Variants in ANKRD30A observed in about 807,000 individuals in gnomAD.
ANKRD30A encodes the protein ankyrin repeat domain 30A.
A neutral mutation model predicts 166.3 loss-of-function variants in ANKRD30A; 170 were observed. That is an observed-to-expected ratio of 1.02 (90% confidence interval 0.90 to 1.16). ANKRD30A has a LOEUF of 1.16. ANKRD30A is among the 50% of genes most tolerant of loss of function. The pLI is 0.00. For missense variants in ANKRD30A, 1,630 were observed against 1,518.0 expected, an observed-to-expected ratio of 1.07 and a Z score of -1.23; for synonymous variants, 564 against 508.9, an observed-to-expected ratio of 1.11 and a Z score of -1.46.
rs1221106273 is a variant in ANKRD30A at position 37,192,646 on chromosome 10, A to G, written c.2513-418A>G. Among the ~76,000 whole-genome samples the G allele has an allele frequency of 1.3e-5, 2 of 152,004 alleles. 1 individual carries two copies. Among genetic ancestry groups the G allele is most frequent in the Non-Finnish European group, 2.9e-5 (2 of 68,018 alleles). ...GTATATATTGACATCAGTGATTCTGACGTGTTTCCTTAACAATATGCCATA... is the reference window on the plus strand; with the variant it reads ...GTATATATTGACATCAGTGATTCTGGCGTGTTTCCTTAACAATATGCCATA... On this transcript the variant is annotated intron_variant, in intron 25 of 35. Coordinates refer to ENST00000361713, the MANE Select transcript of ANKRD30A (RefSeq NM_052997.3).
chr10:37,197,311 T>A lies in ANKRD30A; in HGVS notation c.2643+2T>A. 6.2e-7 allele frequency: 1 copy of A among 1,613,388 alleles called. No homozygotes were observed. The highest frequency in any genetic ancestry group is 2.2e-5 in the East Asian group (1 of 44,854). ...CCCGAGAAGCCATCTGCCTTCGAGGTATTTAGTTTTATGATTTCATTTTGA... is the reference window on the plus strand; with the variant it reads ...CCCGAGAAGCCATCTGCCTTCGAGGAATTTAGTTTTATGATTTCATTTTGA... On this transcript the variant is annotated splice_donor_variant, in intron 28 of 35. Transcript: ENST00000361713. LOFTEE classifies it high-confidence loss of function.
At chr10:37,193,935 C>A (rs1840824996) in intron 27 of ANKRD30A, among the ~76,000 whole-genome samples, 1 of 152,138 alleles carries the variant, frequency 6.6e-6, no homozygotes, top group Non-Finnish European at 1.5e-5. Flanking sequence ...TGGCACGTGC[C>A]TGTAATGATA....
Position 37,141,864 on chromosome 10 carries a change from A to G in ANKRD30A, c.967A>G (p.Lys323Glu). 3 of 1,606,078 alleles carry G rather than the reference A, an allele frequency of 1.9e-6. No homozygotes were observed. Among genetic ancestry groups the G allele is most frequent in the Non-Finnish European group, 1.7e-6 (2 of 1,177,362 alleles). ...TPDTAESLVE[K>E]TPDEAASLVE... Reference sequence around the variant, plus strand: ...TGACACGGCTGAAAGCTTGGTGGAAAAAACACCTGATGAGGCTGCATCCTT... The same window carrying G: ...TGACACGGCTGAAAGCTTGGTGGAAGAAACACCTGATGAGGCTGCATCCTT... The change falls in exon 7 of 36, where the codon AAA (lysine) becomes GAA (glutamate). Residue 323 changes from lysine to glutamate, a missense_variant. Physicochemically the swap from Lys to Glu is moderately conservative, Grantham distance 56 (BLOSUM62 1). Around this residue, in one of 4 missense-constraint regions of ANKRD30A, gnomAD observed 904 missense variants for 818.5 expected, o/e 1.10. Coordinates refer to ENST00000361713, the MANE Select transcript of ANKRD30A (RefSeq NM_052997.3).
At chr10:37,241,383 A>C in the ANKRD30A span, 2 of 151,218 alleles carry the variant, frequency 1.3e-5, no homozygotes, top group East Asian at 1.9e-4. Context: ...AAAACATATA[A>C]AATTTTTTCT....
intron 8 of ANKRD30A, among the ~76,000 whole-genome samples, chr10:37,146,225 A>G (rs1485221851): frequency 1.3e-5 from 2 of 152,256 alleles, no homozygotes; most frequent in East Asian, 3.8e-4. Flanking sequence ...AGTTTTCCTT[A>G]CTACTTTTTC....
intron 13 of ANKRD30A, among the ~76,000 whole-genome samples, chr10:37,154,225 A>G (rs1212780917): frequency 6.6e-6 from 1 of 152,218 alleles, no homozygotes; most frequent in Non-Finnish European, 1.5e-5. Flanking sequence ...GAATAAGCAT[A>G]TCTGCATGGC....
intron 6 of ANKRD30A, among the ~76,000 whole-genome samples, chr10:37,138,283 C>G (rs971783203): frequency 9.2e-5 from 14 of 152,136 alleles, no homozygotes; most frequent in African/African-American, 3.4e-4. Context: ...GGGGAAAAAA[C>G]AGAGCAGAAA....
rs201760233 is a variant in ANKRD30A, at chr10:37,147,466, G to A, written c.1543+9G>A. On this transcript the variant is annotated intron_variant, in intron 9 of 35. Coordinates refer to ENST00000361713, the MANE Select transcript of ANKRD30A (RefSeq NM_052997.3). Reference sequence around the variant, plus strand: ...AAATAGAGAAGTAGAAGGTAAGAACGATTTTTTATTTGAAAAGTCTTTTAA... The same window carrying A: ...AAATAGAGAAGTAGAAGGTAAGAACAATTTTTTATTTGAAAAGTCTTTTAA... The A allele has an allele frequency of 4.8e-5, 74 of 1,536,194 alleles. No homozygotes were observed. The highest frequency in any genetic ancestry group is 3.5e-4 in the Middle Eastern group (2 of 5,782).
intron 31 of ANKRD30A, among the ~76,000 whole-genome samples, chr10:37,203,012 A>C (rs1044611602): frequency 1.3e-5 from 2 of 152,128 alleles, no homozygotes; most frequent in Non-Finnish European, 2.9e-5. Context: ...CAACCAAGAA[A>C]AGTCCAGGAC....
chr10:37,153,770 A>G, intron 13 of ANKRD30A, 108 bp downstream of exon 13: 6 of 1,469,048 alleles, frequency 4.1e-6, no homozygotes, highest in Non-Finnish European at 5.6e-6. Context: ...AATGCAAACC[A>G]TGGAAAAAAA....
the ANKRD30A span, among the ~76,000 whole-genome samples, chr10:37,263,141 TTA>T: frequency 6.6e-6 from 1 of 152,082 alleles, no homozygotes; most frequent in South Asian, 2.1e-4. Flanking sequence ...ATCTAAATCT[TTA>T]TGTTTGTTTC....
At chr10:37,217,396 A>G (rs1842658708) in intron 32 of ANKRD30A, among the ~76,000 whole-genome samples, 1 of 151,000 alleles carries the variant, frequency 6.6e-6, no homozygotes, top group East Asian at 1.9e-4. Context: ...GATTTTTAAA[A>G]AATAATTTTC....
chr10:37,213,675 A>G (rs1842461619), intron 31 of ANKRD30A, among the ~76,000 whole-genome samples: 1 of 150,214 alleles, frequency 6.7e-6, no homozygotes, highest in African/African-American at 2.4e-5. Flanking sequence ...GATGCATTTT[A>G]CAATATCTAA....
the ANKRD30A span, among the ~76,000 whole-genome samples, chr10:37,258,107 A>T: frequency 1.3e-5 from 2 of 152,220 alleles, no homozygotes; most frequent in Non-Finnish European, 2.9e-5. Flanking sequence ...TATTCTGCAC[A>T]TGTATCCCAG....
rs779334170 is a variant in ANKRD30A, at chr10:37,130,393, A to G, written c.510+15A>G. 1.8e-5 allele frequency: 26 copies of G among 1,407,016 alleles called. No homozygotes were observed. The highest frequency in any genetic ancestry group is 2.2e-5 in the Non-Finnish European group (24 of 1,072,302). 87.2% of individuals were successfully genotyped at this position (1,407,016 alleles called of 1,614,324 possible). On this transcript the variant is annotated intron_variant, in intron 3 of 35. Transcript: ENST00000361713. ...TGCACAACAAGGTAGACACTAACCA[A>G]TGTTATTTTCAAAATATTTGAAATC...
At chr10:37,229,768 ATTTGT>A (rs1364069802) in intron 34 of ANKRD30A, among the ~76,000 whole-genome samples, 1 of 151,740 alleles carries the variant, frequency 6.6e-6, no homozygotes, top group Non-Finnish European at 1.5e-5. Context: ...TACCCTTTTG[ATTTGT>A]TTTCTTTTTA....
chr10:37,145,670 A>G (rs768127090), intron 8 of ANKRD30A, among the ~76,000 whole-genome samples: 5 of 152,250 alleles, frequency 3.3e-5, no homozygotes, highest in Non-Finnish European at 5.9e-5. Context: ...ATCAAAAGCT[A>G]AAGAATTACT....
In ANKRD30A at chr10:37,190,394, G is replaced by A. The variant is rs71489114; in HGVS notation, c.2512+837G>A. Reference sequence around the variant, plus strand: ...TCAGGACAGAAAAGGTCAGGAGAAAGCATCATGGTGCTCTTAATTTTGAGG... The same window carrying A: ...TCAGGACAGAAAAGGTCAGGAGAAAACATCATGGTGCTCTTAATTTTGAGG... On this transcript the variant is annotated intron_variant, in intron 25 of 35. Transcript: ENST00000361713. Among the ~76,000 whole-genome samples, 118 of 151,852 alleles carry A rather than the reference G, an allele frequency of 7.8e-4. 2 individuals carry two copies. In the South Asian group the frequency reaches 0.017, roughly 22 times the overall value.
chr10:37,256,332 C>G, the ANKRD30A span, among the ~76,000 whole-genome samples: 1 of 152,222 alleles, frequency 6.6e-6, no homozygotes, highest in Non-Finnish European at 1.5e-5. Flanking sequence ...TCATGGATCA[C>G]TGCAGCCTCA....
Sources: allele counts gnomAD v4.1 joint callset (sites outside exome capture counted in the v4.1 genomes callset), GRCh38; gene constraint gnomAD v4.1.1; regional missense constraint gnomAD v4.1.1; transcripts MANE v1.5; gene names NCBI Gene and HGNC (gene_info 2026-07-23, HGNC 2026-07-21).